CHAMP1: variants seen among roughly 807,000 people sequenced by gnomAD.
CHAMP1 encodes chromosome alignment maintaining phosphoprotein 1.
CHAMP1 carries 4 observed loss-of-function variants against 54.5 expected under a neutral mutation model. That is an observed-to-expected ratio of 0.07 (90% confidence interval 0.04 to 0.17). The LOEUF (loss-of-function observed/expected upper bound fraction) is 0.17, where lower values mean the gene tolerates loss of function less well. CHAMP1 is among the 10% of genes least tolerant of loss of function. The pLI is 1.00. For missense variants in CHAMP1, 994 were observed against 968.6 expected (o/e 1.03, Z -0.35); for synonymous variants, 368 against 342.2 (o/e 1.08, Z -0.83).
intron 1 of CHAMP1, among the ~76,000 whole-genome samples, chr13:114,316,458 C>T (rs568317355): frequency 1.2e-4 from 18 of 151,556 alleles, no homozygotes; most frequent in South Asian, 2.1e-4. Flanking sequence ...CCTGTGGTGG[C>T]GCGCGCCTGT....
In CHAMP1 at chr13:114,326,139, A is replaced by G. The variant is rs2087247967; in HGVS notation, c.2297A>G (p.Lys766Arg). Residue 766 changes from lysine to arginine, a missense_variant, in exon 3 of 3, where the codon AAA (lysine) becomes AGA (arginine). Coordinates refer to ENST00000361283, the MANE Select transcript of CHAMP1 (RefSeq NM_032436.4). Reference protein sequence around the residue: ...HVAAHGQSLLKCPRCNFESNF... With the variant: ...HVAAHGQSLLRCPRCNFESNF... ...GCAGCCCATGGGCAAAGTTTACTTA[A>G]ATGTCCACGTTGTAATTTTGAATCA... 1 of 1,613,394 alleles carries G rather than the reference A, an allele frequency of 6.2e-7. No individual in the cohort carries two copies. Among genetic ancestry groups the G allele is most frequent in the African/African-American group, 1.3e-5 (1 of 74,936 alleles).
chr13:114,324,212 C>A lies in CHAMP1; in HGVS notation c.370C>A (p.Pro124Thr). Residue 124 changes from proline to threonine, a missense_variant, in exon 3 of 3, where the codon CCA becomes ACA. Around this residue, in one of 3 missense-constraint regions of CHAMP1, gnomAD observed 851 missense variants for 701.3 expected, o/e 1.21. Coordinates refer to ENST00000361283, the MANE Select transcript of CHAMP1 (RefSeq NM_032436.4). ...GAAAATACCCTGCAATTCAGCAGAA[C>A]CAAAATCCATACCTGCCCTTTCAAT... ...HQKIPCNSAE[P>T]KSIPALSMET... is the part of the protein sequence containing the mutation. 6.2e-7 allele frequency: 1 copy of A among 1,614,170 alleles called. No homozygotes were observed. Among genetic ancestry groups the A allele is most frequent in the South Asian group, 1.1e-5 (1 of 91,084 alleles).
chr13:114,323,563 A>G (rs1013372584), intron 2 of CHAMP1: 1 of 339,958 alleles, frequency 2.9e-6, no homozygotes, highest in Non-Finnish European at 5.3e-6. Context: ...TGAAAATAAT[A>G]GTTGAGTCAT....
rs1034936066 is a variant in CHAMP1 at position 114,327,162 on chromosome 13, A to C, written c.*881A>C. On this transcript the variant is annotated 3_prime_UTR_variant, in exon 3 of 3. Transcript: ENST00000361283. The stretch of plus-strand genomic sequence containing the variant: ...GGAACTGAAAGTCTTCCAGATTCAC[A>C]GTAGAAAATTTTATAGACATTTCTG... The C allele has an allele frequency of 6.0e-6, 1 of 167,078 alleles. No individual in the cohort carries two copies. The highest frequency in any genetic ancestry group is 6.5e-5 in the Admixed American group (1 of 15,284). 10.3% of individuals were successfully genotyped at this position (167,078 alleles called of 1,614,324 possible).
Position 114,325,910 on chromosome 13 carries a change from G to A in CHAMP1, c.2068G>A (p.Glu690Lys). 6.2e-7 allele frequency: 1 copy of A among 1,613,894 alleles called. No homozygotes were observed. The highest frequency in any genetic ancestry group is 2.2e-5 in the East Asian group (1 of 44,880). ...RNVLQFTEEK[E>K]AFISEEEIAK... ...TGTGCTACAGTTTACTGAAGAAAAA[G>A]AAGCTTTTATCTCTGAAGAGGAGAT... The change falls in exon 3 of 3, where the codon GAA becomes AAA. Residue 690 changes from glutamate (E) to lysine (K), a missense_variant. This residue lies in a region of CHAMP1 where 851 missense variants were observed against 701.3 expected (regional missense o/e 1.21). Transcript: ENST00000361283.
At chr13:114,316,424 A>G (rs1388824712) in intron 1 of CHAMP1, among the ~76,000 whole-genome samples, 1 of 151,314 alleles carries the variant, frequency 6.6e-6, no homozygotes, top group Non-Finnish European at 1.5e-5. Context: ...TGGCCTCCCA[A>G]AGTGCTGGGA....
At position 114,324,353 on chromosome 13, in the gene CHAMP1, C is replaced by T. The variant is rs1555379437; in HGVS notation, c.511C>T (p.Leu171Phe). Residue 171 changes from leucine (L) to phenylalanine (F), a missense_variant, in exon 3 of 3, where the codon CTT (leucine) becomes TTT (phenylalanine). Coordinates refer to ENST00000361283, the MANE Select transcript of CHAMP1 (RefSeq NM_032436.4). ...TGTTTCTCCTGAGCTACAGACACCT[C>T]TTCCTTCTCCTGAGCCTTCAAAACC... ...SVVSPELQTP[L>F]PSPEPSKPAS... 6.2e-7 allele frequency: 1 copy of T among 1,614,022 alleles called. No individual in the cohort carries two copies. Among genetic ancestry groups the T allele is most frequent in the South Asian group, 1.1e-5 (1 of 91,088 alleles).
In CHAMP1 at chr13:114,321,105, T is replaced by TCC. The variant is rs1475192135; in HGVS notation, c.-178-4_-178-3dup. The TCC allele has an allele frequency of 2.4e-5, 3 of 124,892 alleles. No individual in the cohort carries two copies. Among genetic ancestry groups the TCC allele is most frequent in the African/African-American group, 1.0e-4 (3 of 29,770 alleles). The allele number at this position is 124,892 out of a possible 1,614,324, so 7.7% of individuals were successfully genotyped here. ...ACTTTTCTTTTTTTTTTTTTTTTTT[T>TCC]CCAGGTTCAACTTCTCATCTTTGTT... On this transcript the variant is annotated splice_polypyrimidine_tract_variant and splice_region_variant and intron_variant, in intron 1 of 2. Coordinates refer to ENST00000361283, the MANE Select transcript of CHAMP1 (RefSeq NM_032436.4).
In CHAMP1 at chr13:114,326,171, C is replaced by T; in HGVS notation, c.2329C>T (p.Pro777Ser). 1 of 1,613,112 alleles carries T rather than the reference C, an allele frequency of 6.2e-7. No individual in the cohort carries two copies. The highest frequency in any genetic ancestry group is 8.5e-7 in the Non-Finnish European group (1 of 1,179,422). Residue 777 changes from proline to serine, a missense_variant, in exon 3 of 3, where the codon CCA becomes TCA. Pro to Ser is a moderately conservative substitution (Grantham distance 74). This residue lies in a region of CHAMP1 where 59 missense variants were observed against 146.7 expected (regional missense o/e 0.40). Coordinates refer to ENST00000361283, the MANE Select transcript of CHAMP1 (RefSeq NM_032436.4). ...ACGTTGTAATTTTGAATCAAATTTC[C>T]CAAGAGGTTTTAAGAAACATTTAAC... ...CPRCNFESNF[P>S]RGFKKHLTHC...
rs1555380111 is a variant in CHAMP1 at position 114,327,056 on chromosome 13, G to C, written c.*775G>C. The C allele has an allele frequency of 6.8e-6, 1 of 146,422 alleles. No individual in the cohort carries two copies. Among genetic ancestry groups the C allele is most frequent in the Non-Finnish European group, 1.5e-5 (1 of 66,006 alleles). 9.1% of individuals were successfully genotyped at this position (146,422 alleles called of 1,614,324 possible). On this transcript the variant is annotated 3_prime_UTR_variant, in exon 3 of 3. Transcript: ENST00000361283. The stretch of plus-strand genomic sequence containing the variant: ...TCACACTAATAGATGATTCTTAATT[G>C]CCAAATGTGTTAGAGTTTGTATATC...
rs35744396 is a variant in CHAMP1, at chr13:114,322,036, ATTTTTTTTTTTTTT to A, written c.-56+814_-56+827del. 10 of 126,690 alleles carry A rather than the reference ATTTTTTTTTTTTTT, an allele frequency of 7.9e-5. No individual in the cohort carries two copies. In the East Asian group the frequency reaches 1.8e-3, roughly 23 times the overall value. The allele number at this position is 126,690 out of a possible 1,614,324, so 7.8% of individuals were successfully genotyped here. Reference sequence around the variant, plus strand: ...CAAATTATCAAAGTTAGAAATGTTAATTTTTTTTTTTTTTTTTTTTTTTGAGATGGAGTCTTGCT... The same window carrying A: ...CAAATTATCAAAGTTAGAAATGTTAATTTTTTTTTGAGATGGAGTCTTGCT... On this transcript the variant is annotated intron_variant, in intron 2 of 2. Coordinates refer to ENST00000361283, the MANE Select transcript of CHAMP1 (RefSeq NM_032436.4).
chr13:114,325,767 A>G lies in CHAMP1; in HGVS notation c.1925A>G (p.Asp642Gly). The change falls in exon 3 of 3, where the codon GAT (aspartate) becomes GGT (glycine). Residue 642 changes from aspartate to glycine, a missense_variant. By Grantham distance (94) the Asp-to-Gly change is moderately conservative. Coordinates refer to ENST00000361283, the MANE Select transcript of CHAMP1 (RefSeq NM_032436.4). Reference protein sequence around the residue: ...SSSEYIKTDLDAMDIKGQESS... With the variant: ...SSSEYIKTDLGAMDIKGQESS... The stretch of plus-strand genomic sequence containing the variant: ...AGTGAGTACATAAAAACAGATTTGG[A>G]TGCGATGGATATTAAGGGCCAGGAA... 6.2e-7 allele frequency: 1 copy of G among 1,614,202 alleles called. No individual in the cohort carries two copies. Among genetic ancestry groups the G allele is most frequent in the Non-Finnish European group, 8.5e-7 (1 of 1,180,034 alleles).
rs782352206 is a variant in CHAMP1, at chr13:114,324,325, T to A, written c.483T>A (p.Ser161=). ...LTPLEPQKPG[S]VVSPELQTPL... ...CCCTGGAGCCTCAGAAACCTGGCTC[T>A]GTTGTTTCTCCTGAGCTACAGACAC... Residue 161 remains serine, a synonymous_variant, in exon 3 of 3, where the codon TCT becomes TCA. Coordinates refer to ENST00000361283, the MANE Select transcript of CHAMP1 (RefSeq NM_032436.4). 3.7e-6 allele frequency: 6 copies of A among 1,613,996 alleles called. No homozygotes were observed. Among genetic ancestry groups the A allele is most frequent in the Non-Finnish European group, 5.1e-6 (6 of 1,180,032 alleles).
chr13:114,321,859 CAGAA>C (rs1368473406), intron 2 of CHAMP1, among the ~76,000 whole-genome samples: 16 of 152,206 alleles, frequency 1.1e-4, no homozygotes, highest in South Asian at 4.1e-4. Context: ...CTGGGCAACT[CAGAA>C]AGAGTAAATA....
intron 1 of CHAMP1, among the ~76,000 whole-genome samples, chr13:114,316,817 C>G (rs1420866196): frequency 6.8e-6 from 1 of 146,580 alleles, no homozygotes; most frequent in Non-Finnish European, 1.5e-5. Context: ...CATCCGTAAT[C>G]TGAAATCTAA....
chr13:114,315,409 A>T (rs1216862076), intron 1 of CHAMP1, among the ~76,000 whole-genome samples: 1 of 152,206 alleles, frequency 6.6e-6, no homozygotes, highest in African/African-American at 2.4e-5. Flanking sequence ...GCAGAGACTC[A>T]GATACTTGTT....
At chr13:114,315,576 T>A (rs1255644464) in intron 1 of CHAMP1, among the ~76,000 whole-genome samples, 2 of 152,212 alleles carry the variant, frequency 1.3e-5, no homozygotes, top group Non-Finnish European at 2.9e-5. Flanking sequence ...GAACACATTA[T>A]ACAGTATAAA....
chr13:114,325,801 T>C lies in CHAMP1; in HGVS notation c.1959T>C (p.Ser653=). 6.2e-7 allele frequency: 1 copy of C among 1,614,134 alleles called. No individual in the cohort carries two copies. The highest frequency in any genetic ancestry group is 8.5e-7 in the Non-Finnish European group (1 of 1,180,024). Residue 653 remains serine, a synonymous_variant, in exon 3 of 3, where the codon AGT becomes AGC. Coordinates refer to ENST00000361283, the MANE Select transcript of CHAMP1 (RefSeq NM_032436.4). The part of the protein sequence containing the change: ...AMDIKGQESS[S]DQEQVDVESI... ...ATATTAAGGGCCAGGAATCAAGCAG[T>C]GATCAAGAGCAGGTTGATGTGGAAT...
chr13:114,317,629 A>C lies in CHAMP1; in HGVS notation c.-179+2986A>C, dbSNP rs533444506. The stretch of plus-strand genomic sequence containing the variant: ...AACAGAGCGAGACCCTGTCTCTAAA[A>C]AAGAAAAAAAGTCCGCTAAGATAAA... On this transcript the variant is annotated intron_variant, in intron 1 of 2. Coordinates refer to ENST00000361283, the MANE Select transcript of CHAMP1 (RefSeq NM_032436.4). 6.6e-5 allele frequency among the ~76,000 whole-genome samples: 10 copies of C among 152,298 alleles called. No homozygotes were observed. In the South Asian group the frequency reaches 2.1e-3, roughly 32 times the overall value.
Sources: gnomAD v4.1 joint callset for allele counts (sites outside exome capture counted in the v4.1 genomes callset) on GRCh38, gnomAD v4.1.1 for gene constraint, gnomAD v4.1.1 regional missense constraint, MANE v1.5 for transcripts, NCBI Gene and HGNC (gene_info 2026-07-23, HGNC 2026-07-21) for gene names.